SMARCA2: variants seen among roughly 807,000 people sequenced by gnomAD.
SMARCA2 encodes the protein SWI/SNF related BAF chromatin remodeling complex subunit ATPase 2.
Under a neutral mutation model 199.8 loss-of-function variants are expected in SMARCA2, and 61 were observed. That is an observed-to-expected ratio of 0.31 (90% CI 0.25 to 0.38). The LOEUF is 0.38. Among genes scored for constraint, SMARCA2 ranks in the 10% least tolerant of loss-of-function variants. The probability of loss-of-function intolerance (pLI) is 1.00; values close to 1 mark genes in which losing one functional copy is unlikely to be tolerated. For missense variants in SMARCA2, 1,344 were observed against 2,012.2 expected (o/e 0.67, Z 6.35); for synonymous variants, 935 against 732.0 (o/e 1.28, Z -4.48).
intron 10 of SMARCA2, 62 bp from the exon 11 acceptor site, chr9:2,073,150 C>T: frequency 1.3e-6 from 2 of 1,581,682 alleles, no homozygotes; most frequent in Middle Eastern, 1.7e-4. Context: ...GAGAAACGTC[C>T]AGTACAGGAC....
Position 2,056,563 on chromosome 9 carries a change from G to A in SMARCA2, c.1174-109G>A, listed in dbSNP as rs3829069. On this transcript the variant is annotated intron_variant, in intron 6 of 33. Coordinates refer to ENST00000349721, the MANE Select transcript of SMARCA2 (RefSeq NM_003070.5). This position sits in a 1 kb window ranked among gnomAD's most constrained non-coding sequence, Gnocchi z 4.0. ...AACCAAAGGTGATTGAGAAGCTTGT[G>A]GAGATTCCCCGCCCCACTCTATTCC... 0.32 allele frequency: 291,309 copies of A among 920,882 alleles called. 52,319 individuals are homozygous for A. The highest frequency in any genetic ancestry group is 0.72 in the African/African-American group (42,983 of 59,564). The allele number at this position is 920,882 out of a possible 1,614,324, so 57.0% of individuals were successfully genotyped here.
rs1212785253 is a variant in SMARCA2, at chr9:2,181,647, A to C, written c.4330A>C (p.Arg1444=). 2.6e-6 allele frequency: 4 copies of C among 1,558,580 alleles called. No homozygotes were observed. The highest frequency in any genetic ancestry group is 8.9e-7 in the Non-Finnish European group (1 of 1,129,818). ...KELPEYYELI[R]KPVDFKKIKE... is the part of the protein sequence containing the mutation. ...ATTACCAGAATACTATGAATTAATT[A>C]GGAAGCCAGTGGATTTCAAAAAAAT... Residue 1444 remains arginine, a synonymous_variant, in exon 30 of 34, where the codon AGG becomes CGG. Transcript: ENST00000349721.
Position 2,086,920 on chromosome 9 carries a change from C to T in SMARCA2, c.2618C>T (p.Ala873Val). ...CAGGTCTTGAACACTCACTATGTGGCCCCCAGAAGGATCCTCTTGACTGGG... is the reference window on the plus strand; with the variant it reads ...CAGGTCTTGAACACTCACTATGTGGTCCCCAGAAGGATCCTCTTGACTGGG... ...LTQVLNTHYV[A>V]PRRILLTGTP... The change falls in exon 18 of 34, where the codon GCC (alanine) becomes GTC (valine). Residue 873 changes from alanine (A) to valine (V), a missense_variant. Ala to Val is a moderately conservative substitution (Grantham distance 64, BLOSUM62 0). Coordinates refer to ENST00000349721, the MANE Select transcript of SMARCA2 (RefSeq NM_003070.5). The surrounding 1 kb of genome is among the most constrained non-coding windows in gnomAD (Gnocchi z 4.3). 1 of 1,614,146 alleles carries T rather than the reference C, an allele frequency of 6.2e-7. No individual in the cohort carries two copies. The highest frequency in any genetic ancestry group is 8.5e-7 in the Non-Finnish European group (1 of 1,180,000).
intron 26 of SMARCA2, among the ~76,000 whole-genome samples, chr9:2,121,621 G>A (rs10738583): frequency 0.23 from 35,185 of 152,100 alleles, 5,259 homozygotes; most frequent in East Asian, 0.45. Context: ...TTAGAAAAGA[G>A]TGAGTTCTCT....
At chr9:2,188,482 G>T (rs926865102) in intron 32 of SMARCA2, among the ~76,000 whole-genome samples, 1 of 152,054 alleles carries the variant, frequency 6.6e-6, no homozygotes, top group Non-Finnish European at 1.5e-5. Context: ...CCAAATTCAT[G>T]TAGTTATTCC....
chr9:2,050,876 T>C lies in SMARCA2; in HGVS notation c.1046+3392T>C, dbSNP rs535363544. Among the ~76,000 whole-genome samples the C allele has an allele frequency of 1.6e-3, 245 of 152,358 alleles. 2 individuals are homozygous for C. The highest frequency in any genetic ancestry group is 5.5e-3 in the African/African-American group (229 of 41,584). ...TCTGTTGCATTTAATGCAACTCTTT[T>C]TCTTGCCAGAACAGTAACCCCTCGT... On this transcript the variant is annotated intron_variant, in intron 5 of 33. Transcript: ENST00000349721.
chr9:2,142,128 C>A (rs1010951434), intron 27 of SMARCA2, among the ~76,000 whole-genome samples: 5 of 152,168 alleles, frequency 3.3e-5, no homozygotes, highest in African/African-American at 1.2e-4. Flanking sequence ...TTAGCTCCAT[C>A]AGTCAAGTTG....
At chr9:2,149,621 A>T (rs887583569) in intron 27 of SMARCA2, among the ~76,000 whole-genome samples, 1 of 151,570 alleles carries the variant, frequency 6.6e-6, no homozygotes, top group Non-Finnish European at 1.5e-5. Context: ...CCCATGATTC[A>T]AATTATCTCC....
chr9:2,031,418 T>C (rs1322711425), intron 2 of SMARCA2, among the ~76,000 whole-genome samples: 2 of 152,226 alleles, frequency 1.3e-5, no homozygotes, highest in African/African-American at 4.8e-5. Context: ...CTAAGTGGCT[T>C]ACATAATTTC....
chr9:2,170,606 G>A lies in SMARCA2; in HGVS notation c.4253+134G>A, dbSNP rs571941620. Reference sequence around the variant, plus strand: ...TCCTGATCACCCCTACTTGGAGAGCGGGATAGAGGCACAGATACTCTTAAA... The same window carrying A: ...TCCTGATCACCCCTACTTGGAGAGCAGGATAGAGGCACAGATACTCTTAAA... On this transcript the variant is annotated intron_variant, in intron 29 of 33. Coordinates refer to ENST00000349721, the MANE Select transcript of SMARCA2 (RefSeq NM_003070.5). This position sits in a 1 kb window ranked among gnomAD's most constrained non-coding sequence, Gnocchi z 4.7. The A allele has an allele frequency of 1.2e-3, 1,713 of 1,411,174 alleles. 9 individuals are homozygous for A. The highest frequency in any genetic ancestry group is 0.01 in the Middle Eastern group (56 of 5,506). 87.4% of individuals were successfully genotyped at this position (1,411,174 alleles called of 1,614,324 possible). A position where few individuals can be genotyped will look rare whatever the true frequency, so the allele number is the denominator to read the frequency against.
chr9:2,115,788 C>G lies in SMARCA2; in HGVS notation c.3457-34C>G. Reference sequence around the variant, plus strand: ...GGTTTTGGATGCCTATGCCAGGCATCTCAGTCCTCATAGCATATTGACCCC... The same window carrying G: ...GGTTTTGGATGCCTATGCCAGGCATGTCAGTCCTCATAGCATATTGACCCC... On this transcript the variant is annotated intron_variant, in intron 24 of 33. Transcript: ENST00000349721. The surrounding 1 kb of genome is among the most constrained non-coding windows in gnomAD (Gnocchi z 6.0). 6.3e-7 allele frequency: 1 copy of G among 1,579,618 alleles called. No homozygotes were observed. The highest frequency in any genetic ancestry group is 8.7e-7 in the Non-Finnish European group (1 of 1,151,334).
At chr9:2,164,290 ATGCC>A (rs1825834887) in intron 28 of SMARCA2, among the ~76,000 whole-genome samples, 1 of 152,198 alleles carries the variant, frequency 6.6e-6, no homozygotes, top group African/African-American at 2.4e-5. Flanking sequence ...AGGAGATTAT[ATGCC>A]TTAAACCTCA....
Position 2,039,396 on chromosome 9 carries a change from G to A in SMARCA2, c.356-70G>A. The A allele has an allele frequency of 7.0e-7, 1 of 1,425,382 alleles. No individual in the cohort carries two copies. The highest frequency in any genetic ancestry group is 1.4e-5 in the African/African-American group (1 of 70,108). The allele number at this position is 1,425,382 out of a possible 1,614,324, so 88.3% of individuals were successfully genotyped here. On this transcript the variant is annotated intron_variant, in intron 3 of 33. Coordinates refer to ENST00000349721, the MANE Select transcript of SMARCA2 (RefSeq NM_003070.5). The surrounding 1 kb of genome is among the most constrained non-coding windows in gnomAD (Gnocchi z 4.8). ...AGTGTTGCTGTGGACAATTATTAGA[G>A]TATTCAGGGATATCTCTCTTTCAGG...
chr9:2,073,560 C>T lies in SMARCA2; in HGVS notation c.1878-6C>T. 6.2e-7 allele frequency: 1 copy of T among 1,609,468 alleles called. No individual in the cohort carries two copies. The highest frequency in any genetic ancestry group is 2.2e-5 in the East Asian group (1 of 44,866). On this transcript the variant is annotated splice_region_variant and splice_polypyrimidine_tract_variant and intron_variant, in intron 11 of 33. Coordinates refer to ENST00000349721, the MANE Select transcript of SMARCA2 (RefSeq NM_003070.5). The stretch of plus-strand genomic sequence containing the variant: ...CCCCCTCCTCTTCCTCACTCTTTTT[C>T]CTTAGTTATGAAGTTGCCCCTAGAT...
chr9:2,098,559 G>A (rs1822368556), intron 21 of SMARCA2, among the ~76,000 whole-genome samples: 1 of 152,130 alleles, frequency 6.6e-6, no homozygotes, highest in African/African-American at 2.4e-5. Context: ...CATAGACATA[G>A]GAGAGAGTGT....
rs753747175 is a variant in SMARCA2 at position 2,104,741 on chromosome 9, G to A, written c.3292+572G>A. 6.6e-5 allele frequency among the ~76,000 whole-genome samples: 10 copies of A among 152,196 alleles called. No homozygotes were observed. Among genetic ancestry groups the A allele is most frequent in the South Asian group, 2.1e-4 (1 of 4,820 alleles). ...GTTTTAAGAGTGAAATTTAAATACCGTGTCCTAAAAATTAGTAAGAAAAAA... is the reference window on the plus strand; with the variant it reads ...GTTTTAAGAGTGAAATTTAAATACCATGTCCTAAAAATTAGTAAGAAAAAA... On this transcript the variant is annotated intron_variant, in intron 23 of 33. Transcript: ENST00000349721. The surrounding 1 kb of genome is among the most constrained non-coding windows in gnomAD (Gnocchi z 4.0).
chr9:2,079,373 G>A (rs1201073941), intron 14 of SMARCA2, among the ~76,000 whole-genome samples: 3 of 152,140 alleles, frequency 2.0e-5, no homozygotes, highest in Non-Finnish European at 2.9e-5. Flanking sequence ...GTACTTGTTG[G>A]CATCGGGTCC....
chr9:2,130,001 A>G (rs904574785), intron 27 of SMARCA2, among the ~76,000 whole-genome samples: 1 of 152,108 alleles, frequency 6.6e-6, no homozygotes, highest in Non-Finnish European at 1.5e-5. Context: ...CTACAGGTAC[A>G]TGCCACCATG....
chr9:2,066,027 C>T (rs1265203559), intron 9 of SMARCA2, among the ~76,000 whole-genome samples: 1 of 152,204 alleles, frequency 6.6e-6, no homozygotes, highest in Non-Finnish European at 1.5e-5. Context: ...TATCCCTGGG[C>T]ATTTTTTAAA....
Sources: allele counts gnomAD v4.1 joint callset (sites outside exome capture counted in the v4.1 genomes callset), GRCh38; gene constraint gnomAD v4.1.1; non-coding constraint Gnocchi (gnomAD v3.1); transcripts MANE v1.5; gene names NCBI Gene and HGNC (gene_info 2026-07-23, HGNC 2026-07-21).